CFTR: variants seen among roughly 807,000 people sequenced by gnomAD.
CFTR encodes CF transmembrane conductance regulator.
In CFTR, 181 loss-of-function variants were observed where a neutral mutation model predicts 171.6. That is an observed-to-expected ratio of 1.05 (90% CI 0.93 to 1.19). The LOEUF is 1.19. Among genes scored for constraint, CFTR ranks in the 50% most tolerant of loss-of-function variants. The pLI, the probability that CFTR is intolerant of heterozygous loss-of-function variation, is 0.00. For missense variants in CFTR, 1,968 were observed against 1,734.7 expected (o/e 1.13, Z -2.39); for synonymous variants, 583 against 608.0 (o/e 0.96, Z 0.60).
In CFTR at chr7:117,531,121, C is replaced by G. The variant is rs770608125; in HGVS notation, c.489+7C>G. On this transcript the variant is annotated splice_region_variant and intron_variant, in intron 4 of 26. Transcript: ENST00000003084. ...TAGTTTGATTTATAAGAAGGTAATA[C>G]TTCCTTGCACAGGCCCCATGGCACA... 1 of 1,592,072 alleles carries G rather than the reference C, an allele frequency of 6.3e-7. No individual in the cohort carries two copies. Among genetic ancestry groups the G allele is most frequent in the Non-Finnish European group, 8.6e-7 (1 of 1,161,704 alleles).
intron 24 of CFTR, among the ~76,000 whole-genome samples, chr7:117,657,575 A>G (rs972831211): frequency 1.3e-5 from 2 of 152,204 alleles, no homozygotes; most frequent in Admixed American, 1.3e-4. Context: ...TGATAATACA[A>G]TTTGTCCAAA....
At chr7:117,655,974 C>G (rs1793176697) in intron 24 of CFTR, among the ~76,000 whole-genome samples, 1 of 152,070 alleles carries the variant, frequency 6.6e-6, no homozygotes, top group African/African-American at 2.4e-5. Context: ...ACCTAAATCA[C>G]CTCCCAAAGG....
intron 4 of CFTR, among the ~76,000 whole-genome samples, chr7:117,532,078 A>T (rs1798874317): frequency 7.0e-6 from 1 of 143,690 alleles, no homozygotes; most frequent in Non-Finnish European, 1.5e-5. Flanking sequence ...GGCAGAAGTT[A>T]AAAAAAAAAA....
At position 117,540,951 on chromosome 7, in the gene CFTR, A is replaced by T. The variant is rs140271301; in HGVS notation, c.1116+605A>T. Among the ~76,000 whole-genome samples the T allele has an allele frequency of 4.0e-3, 612 of 152,288 alleles. 7 individuals carry two copies. Among genetic ancestry groups the T allele is most frequent in the African/African-American group, 0.012 (508 of 41,570 alleles). On this transcript the variant is annotated intron_variant, in intron 8 of 26. Transcript: ENST00000003084. ...TGGGAGATGTCTCACACACACACAC[A>T]CATAAACACACACACTCATGTGTGC...
rs765037032 is a variant in CFTR, at chr7:117,610,506, T to C, written c.2989-13T>C. On this transcript the variant is annotated splice_polypyrimidine_tract_variant and intron_variant, in intron 18 of 26. Transcript: ENST00000003084. ...AATGTTTACTCACCAACATGTTTTCTTTGATCTTACAGTTGTTATTAATTG... is the reference window on the plus strand; with the variant it reads ...AATGTTTACTCACCAACATGTTTTCCTTGATCTTACAGTTGTTATTAATTG... 6.2e-7 allele frequency: 1 copy of C among 1,611,750 alleles called. No homozygotes were observed. The highest frequency in any genetic ancestry group is 8.5e-7 in the Non-Finnish European group (1 of 1,178,098).
chr7:117,504,773 A>G (rs1798388661), intron 2 of CFTR, among the ~76,000 whole-genome samples: 1 of 150,610 alleles, frequency 6.6e-6, no homozygotes, highest in Non-Finnish European at 1.5e-5. Flanking sequence ...AAAAAAAAAA[A>G]GGAACATCTC....
chr7:117,507,171 A>G (rs569086901), intron 2 of CFTR, among the ~76,000 whole-genome samples: 1 of 152,302 alleles, frequency 6.6e-6, no homozygotes, highest in South Asian at 2.1e-4. Flanking sequence ...TACTAGAACC[A>G]CATCACCTAC....
At chr7:117,520,831 TA>T (rs1410977837) in intron 3 of CFTR, among the ~76,000 whole-genome samples, 3 of 151,912 alleles carry the variant, frequency 2.0e-5, no homozygotes, top group Non-Finnish European at 4.4e-5. Flanking sequence ...TGCATGGTAT[TA>T]GGATTGTTGC....
At position 117,590,367 on chromosome 7, in the gene CFTR, A is replaced by G. The variant is rs397508270; in HGVS notation, c.1694A>G (p.Asp565Gly). The change falls in exon 13 of 27, where the codon GAT becomes GGT. Residue 565 changes from aspartate (D) to glycine (G), a missense_variant. By Grantham distance (94) the Asp-to-Gly change is moderately conservative. Transcript: ENST00000003084. ...RISLARAVYK[D>G]ADLYLLDSPF... is the part of the protein sequence containing the mutation. The stretch of plus-strand genomic sequence containing the variant: ...TTTCTTTTTAGAGCAGTATACAAAG[A>G]TGCTGATTTGTATTTATTAGACTCT... 1.2e-5 allele frequency: 19 copies of G among 1,603,022 alleles called. No individual in the cohort carries two copies. Among genetic ancestry groups the G allele is most frequent in the Non-Finnish European group, 1.5e-5 (18 of 1,172,128 alleles).
chr7:117,587,769 A>G lies in CFTR; in HGVS notation c.1615A>G (p.Ile539Val). ...CTCCAAGTTTGCAGAGAAAGACAATATAGTTCTTGGAGAAGGTGGAATCAC... is the reference window on the plus strand; with the variant it reads ...CTCCAAGTTTGCAGAGAAAGACAATGTAGTTCTTGGAGAAGGTGGAATCAC... ...DISKFAEKDN[I>V]VLGEGGITLS... The change falls in exon 12 of 27, where the codon ATA becomes GTA. Residue 539 changes from isoleucine to valine, a missense_variant. Ile to Val is a conservative substitution (Grantham distance 29). Coordinates refer to ENST00000003084, the MANE Select transcript of CFTR (RefSeq NM_000492.4). 1.2e-6 allele frequency: 2 copies of G among 1,611,656 alleles called. No homozygotes were observed. The highest frequency in any genetic ancestry group is 1.7e-6 in the Non-Finnish European group (2 of 1,177,950).
intron 2 of CFTR, among the ~76,000 whole-genome samples, chr7:117,507,041 T>C (rs886169772): frequency 6.6e-6 from 1 of 152,202 alleles, no homozygotes; most frequent in Non-Finnish European, 1.5e-5. Flanking sequence ...TGACCATGGA[T>C]TGAATCCTCT....
rs568213299 is a variant in CFTR, at chr7:117,612,791, A to G, written c.3367+983A>G. On this transcript the variant is annotated intron_variant, in intron 20 of 26. Coordinates refer to ENST00000003084, the MANE Select transcript of CFTR (RefSeq NM_000492.4). ...AGCTGCAGCTCTTCTTCTTGAGTCT[A>G]TATCTGTCCTGGGTCCATTCCTTTT... 3.9e-5 allele frequency among the ~76,000 whole-genome samples: 6 copies of G among 152,160 alleles called. No individual in the cohort carries two copies. The South Asian group carries it at 8.3e-4, about 21-fold the overall frequency.
intron 1 of CFTR, among the ~76,000 whole-genome samples, chr7:117,487,455 G>A (rs924389488): frequency 5.9e-5 from 9 of 152,016 alleles, no homozygotes; most frequent in African/African-American, 1.9e-4. Context: ...TTCACATCAC[G>A]GGACACAACA....
intron 3 of CFTR, among the ~76,000 whole-genome samples, chr7:117,520,119 T>C (rs1459667900): frequency 1.3e-5 from 2 of 151,862 alleles, no homozygotes; most frequent in African/African-American, 4.8e-5. Context: ...TGTATATTAA[T>C]TATGCATTTA....
At chr7:117,539,351 A>G (rs1799008761) in intron 7 of CFTR, among the ~76,000 whole-genome samples, 1 of 152,200 alleles carries the variant, frequency 6.6e-6, no homozygotes, top group South Asian at 2.1e-4. Flanking sequence ...AATGAGACAG[A>G]GAGGATGTAG....
intron 21 of CFTR, 79 bp downstream of exon 21, chr7:117,614,792 ACTATATACC>A: frequency 1.2e-6 from 1 of 865,158 alleles, no homozygotes; most frequent in Non-Finnish European, 2.0e-6. Flanking sequence ...ATGAGGAAGA[ACTATATACC>A]GTATATTGAG....
chr7:117,564,522 C>T (rs1197860740), intron 11 of CFTR: 1 of 160,368 alleles, frequency 6.2e-6, no homozygotes, highest in East Asian at 1.9e-4. Flanking sequence ...CTACAGAATC[C>T]TTGATGGTTA....
intron 26 of CFTR, 86 bp from the exon 27 acceptor site, chr7:117,666,822 T>C (rs1428226403): frequency 8.6e-7 from 1 of 1,158,054 alleles, no homozygotes. Context: ...TGACTTTTAT[T>C]TTCCTTTGAG....
At position 117,544,502 on chromosome 7, in the gene CFTR, C is replaced by A. The variant is rs147477270; in HGVS notation, c.1209+2394C>A. Among the ~76,000 whole-genome samples, 158 of 152,284 alleles carry A rather than the reference C, an allele frequency of 1.0e-3. 1 individual carries two copies. Among genetic ancestry groups the A allele is most frequent in the African/African-American group, 3.7e-3 (153 of 41,556 alleles). On this transcript the variant is annotated intron_variant, in intron 9 of 26. Coordinates refer to ENST00000003084, the MANE Select transcript of CFTR (RefSeq NM_000492.4). ...CACCGTCATATTTGAATGTTTCCAA[C>A]TTCTCTCTTCACCTTTGGAATTATC...
Sources: allele counts gnomAD v4.1 joint callset (sites outside exome capture counted in the v4.1 genomes callset), GRCh38; gene constraint gnomAD v4.1.1; transcripts MANE v1.5; gene names NCBI Gene and HGNC (gene_info 2026-07-23, HGNC 2026-07-21).